The following TMEM178B variants were observed in gnomAD, a reference collection of about 807,000 sequenced individuals.
TMEM178B encodes the protein transmembrane protein 178B.
TMEM178B carries 5 observed loss-of-function variants against 31.0 expected under a neutral mutation model. The observed-to-expected ratio is 0.16, with a 90% CI of 0.08 to 0.34. The LOEUF (loss-of-function observed/expected upper bound fraction) is 0.34. TMEM178B is among the 10% of genes least tolerant of loss of function. The pLI, the probability that TMEM178B is intolerant of heterozygous loss-of-function variation, is 1.00. For missense variants in TMEM178B, 275 were observed against 400.3 expected (o/e 0.69, Z 2.67); for synonymous variants, 164 against 164.0 (o/e 1.00, Z 0.00).
intron 2 of TMEM178B, among the ~76,000 whole-genome samples, chr7:141,233,043 A>G (rs1457419359): frequency 2.0e-5 from 3 of 152,150 alleles, no homozygotes; most frequent in Admixed American, 6.5e-5. Flanking sequence ...GTGAGAGTGC[A>G]TTGATTCGAA....
intron 3 of TMEM178B, among the ~76,000 whole-genome samples, chr7:141,452,069 C>A (rs971128228): frequency 6.6e-6 from 1 of 152,156 alleles, no homozygotes; most frequent in Non-Finnish European, 1.5e-5. Flanking sequence ...CCTTTTCTAC[C>A]TATAAATATA....
At chr7:141,296,129 G>A (rs1229929649) in intron 2 of TMEM178B, among the ~76,000 whole-genome samples, 2 of 151,516 alleles carry the variant, frequency 1.3e-5, no homozygotes, top group African/African-American at 2.4e-5. Flanking sequence ...GTGCAATAGT[G>A]CAATCTCAGC....
At chr7:141,430,486 A>G (rs879518154) in intron 2 of TMEM178B, among the ~76,000 whole-genome samples, 1 of 152,164 alleles carries the variant, frequency 6.6e-6, no homozygotes, top group Non-Finnish European at 1.5e-5. Context: ...CATAACCTTC[A>G]TTTACACATG....
intron 1 of TMEM178B, among the ~76,000 whole-genome samples, chr7:141,081,617 C>T (rs755734676): frequency 7.1e-6 from 1 of 140,306 alleles, no homozygotes; most frequent in Non-Finnish European, 1.5e-5. Context: ...GCCTGGGTAA[C>T]AATAGTGAAA....
At chr7:141,251,070 T>A (rs1797824554) in intron 2 of TMEM178B, among the ~76,000 whole-genome samples, 1 of 152,060 alleles carries the variant, frequency 6.6e-6, no homozygotes, top group East Asian at 1.9e-4. Context: ...ATTTTGCAGA[T>A]CTTTTTTAAG....
chr7:141,310,670 T>A (rs773393469), intron 2 of TMEM178B, among the ~76,000 whole-genome samples: 1 of 152,142 alleles, frequency 6.6e-6, no homozygotes, highest in Admixed American at 6.6e-5. Flanking sequence ...CTGGCGAGGC[T>A]GTGGACAAAT....
rs1297969029 is a variant in TMEM178B at position 141,479,926 on chromosome 7, G to A, written c.*9140G>A. On this transcript the variant is annotated 3_prime_UTR_variant, in exon 4 of 4. Coordinates refer to ENST00000565468, the MANE Select transcript of TMEM178B (RefSeq NM_001195278.2). ...GTGCTAAAATAAGATAAAATATTAT[G>A]TTAATTTGTTCTGATATGATGTGAA... 6.6e-6 allele frequency: 1 copy of A among 152,200 alleles called. No homozygotes were observed. The highest frequency in any genetic ancestry group is 1.9e-4 in the East Asian group (1 of 5,202). 9.4% of individuals were successfully genotyped at this position (152,200 alleles called of 1,614,324 possible).
chr7:141,437,204 A>G (rs1005335), intron 2 of TMEM178B, among the ~76,000 whole-genome samples: 124,948 of 152,190 alleles, frequency 0.82, 51,797 homozygotes, highest in African/African-American at 0.94. Flanking sequence ...TGGGAGTGCT[A>G]GACAGGTCTG....
At chr7:141,125,143 A>G (rs188944719) in intron 1 of TMEM178B, among the ~76,000 whole-genome samples, 75 of 152,324 alleles carry the variant, frequency 4.9e-4, no homozygotes, top group African/African-American at 1.7e-3. Flanking sequence ...TCTCTCTCCT[A>G]TCTCAACCTC....
chr7:141,279,640 G>A (rs1044975539), intron 2 of TMEM178B, among the ~76,000 whole-genome samples: 6 of 152,220 alleles, frequency 3.9e-5, no homozygotes, highest in Admixed American at 6.5e-5. Flanking sequence ...ACTCAGAGGC[G>A]TGCACTCCTG....
chr7:141,448,752 A>G (rs1006135188), intron 3 of TMEM178B, among the ~76,000 whole-genome samples: 4 of 152,122 alleles, frequency 2.6e-5, no homozygotes, highest in African/African-American at 7.2e-5. Flanking sequence ...GACATGTCCA[A>G]ATGACTGAAT....
intron 2 of TMEM178B, chr7:141,416,262 AC>A (rs1266571545): frequency 1.3e-5 from 2 of 152,722 alleles, no homozygotes; most frequent in African/African-American, 4.8e-5. Flanking sequence ...AAGTCCAGAG[AC>A]ATTCCCACCA....
chr7:141,376,165 G>A (rs570117430), intron 2 of TMEM178B, among the ~76,000 whole-genome samples: 2 of 152,092 alleles, frequency 1.3e-5, no homozygotes, highest in Admixed American at 6.5e-5. Flanking sequence ...TATATTTAAG[G>A]GTAACCAAAT....
chr7:141,433,655 T>G (rs1239950811), intron 2 of TMEM178B, among the ~76,000 whole-genome samples: 1 of 152,250 alleles, frequency 6.6e-6, no homozygotes, highest in Non-Finnish European at 1.5e-5. Flanking sequence ...TGCAGCTCAC[T>G]CTTCTTGTAG....
chr7:141,494,060 A>G, the TMEM178B span, among the ~76,000 whole-genome samples: 1 of 152,210 alleles, frequency 6.6e-6, no homozygotes, highest in African/African-American at 2.4e-5. Context: ...CAGTTTTCTA[A>G]CTAACACGAT....
chr7:141,428,186 A>G (rs1586953206), intron 2 of TMEM178B, among the ~76,000 whole-genome samples: 2 of 152,078 alleles, frequency 1.3e-5, no homozygotes, highest in Admixed American at 1.3e-4. Flanking sequence ...CAACATGGAG[A>G]AACCCTGTCT....
the TMEM178B span, among the ~76,000 whole-genome samples, chr7:141,489,356 T>C: frequency 6.6e-6 from 1 of 152,188 alleles, no homozygotes; most frequent in African/African-American, 2.4e-5. Flanking sequence ...CCCCCCTTTG[T>C]CCCTTAATAA....
chr7:141,175,941 CACTTT>C (rs1796426036), intron 1 of TMEM178B, among the ~76,000 whole-genome samples: 1 of 152,180 alleles, frequency 6.6e-6, no homozygotes, highest in Admixed American at 6.5e-5. Context: ...TACTTGAATA[CACTTT>C]ACTTCTTTCT....
At chr7:141,095,984 C>T (rs929904762) in intron 1 of TMEM178B, among the ~76,000 whole-genome samples, 34 of 152,236 alleles carry the variant, frequency 2.2e-4, no homozygotes, top group Admixed American at 5.2e-4. Context: ...AGTATAAATG[C>T]TGATGGTAAC....
Sources: allele counts gnomAD v4.1 joint callset (sites outside exome capture counted in the v4.1 genomes callset), GRCh38; gene constraint gnomAD v4.1.1; transcripts MANE v1.5; gene names NCBI Gene and HGNC (gene_info 2026-07-23, HGNC 2026-07-21).